Variants in TMC1 observed in about 807,000 individuals in gnomAD.
TMC1 encodes the protein transmembrane channel like 1, also known as transmembrane channel-like protein 1.
Under a neutral mutation model 105.8 loss-of-function variants are expected in TMC1, and 84 were observed. That is an observed-to-expected ratio of 0.79 (90% CI 0.67 to 0.95). TMC1 has a LOEUF of 0.95. TMC1 is among the 40% of genes least tolerant of loss of function. TMC1 has a pLI of 0.00. For synonymous variants in TMC1, 315 were observed against 311.5 expected (o/e 1.01, Z -0.12); for missense variants, 817 against 914.1 (o/e 0.89, Z 1.37).
At chr9:72,737,771 TA>T (rs537198647) in intron 8 of TMC1, among the ~76,000 whole-genome samples, 1 of 152,256 alleles carries the variant, frequency 6.6e-6, no homozygotes, top group Non-Finnish European at 1.5e-5. Context: ...TGCATGGATC[TA>T]AAAACCCAGC....
intron 13 of TMC1, among the ~76,000 whole-genome samples, chr9:72,783,755 T>A (rs971543756): frequency 2.6e-5 from 4 of 152,122 alleles, no homozygotes; most frequent in Non-Finnish European, 4.4e-5. Context: ...AAGAACCTGA[T>A]TTTTGACAAA....
chr9:72,577,134 G>A (rs934264202), intron 1 of TMC1, among the ~76,000 whole-genome samples: 6 of 151,974 alleles, frequency 3.9e-5, no homozygotes, highest in South Asian at 4.2e-4. Flanking sequence ...AGTCAAATCC[G>A]CTGATTACTC....
intron 2 of TMC1, among the ~76,000 whole-genome samples, chr9:72,597,309 C>T (rs1028499292): frequency 2.0e-5 from 3 of 152,138 alleles, no homozygotes; most frequent in Admixed American, 6.5e-5. Context: ...AGCAGGTCAG[C>T]GGGGCACAGG....
chr9:72,549,685 A>T (rs1367461963), intron 1 of TMC1, among the ~76,000 whole-genome samples: 1 of 148,192 alleles, frequency 6.7e-6, no homozygotes, highest in Non-Finnish European at 1.5e-5. Flanking sequence ...ATCTTGGCTC[A>T]CTGCAACCTC....
In TMC1 at chr9:72,609,581, A is replaced by T. The variant is rs188006339; in HGVS notation, c.-305-6787A>T. ...AACAAAAACAAACTGGCAATGCAGG[A>T]CTTCCTTGAAAGACAGAGGAAAGGA... On this transcript the variant is annotated intron_variant, in intron 2 of 23. Coordinates refer to ENST00000297784, the MANE Select transcript of TMC1 (RefSeq NM_138691.3). Among the ~76,000 whole-genome samples, 3 of 152,218 alleles carry T rather than the reference A, an allele frequency of 2.0e-5. No homozygotes were observed. The East Asian group carries it at 5.8e-4, about 29-fold the overall frequency.
intron 3 of TMC1, among the ~76,000 whole-genome samples, chr9:72,621,914 G>C (rs971400897): frequency 2.0e-5 from 3 of 152,160 alleles, no homozygotes; most frequent in African/African-American, 7.2e-5. Flanking sequence ...TATCTGCAAA[G>C]AATTATTTGA....
At chr9:72,652,461 G>C (rs928188268) in intron 5 of TMC1, among the ~76,000 whole-genome samples, 1 of 152,048 alleles carries the variant, frequency 6.6e-6, no homozygotes, top group Non-Finnish European at 1.5e-5. Context: ...TTTAGAGGTG[G>C]GTGGAGGAGG....
intron 5 of TMC1, among the ~76,000 whole-genome samples, chr9:72,650,903 AATATATATAG>A (rs1160763878): frequency 7.9e-6 from 1 of 126,746 alleles, no homozygotes; most frequent in Non-Finnish European, 1.7e-5. Context: ...TATATATATA[AATATATATAG>A]ATATATATAT....
chr9:72,713,752 TG>T (rs1257997264), intron 8 of TMC1, among the ~76,000 whole-genome samples: 5 of 151,980 alleles, frequency 3.3e-5, no homozygotes, highest in Non-Finnish European at 7.4e-5. Flanking sequence ...AAGGGCTTTT[TG>T]TATCTCTGTC....
In TMC1 at chr9:72,545,675, A is replaced by C. The variant is rs535269855; in HGVS notation, c.-428+23762A>C. On this transcript the variant is annotated intron_variant, in intron 1 of 23. Coordinates refer to ENST00000297784, the MANE Select transcript of TMC1 (RefSeq NM_138691.3). The stretch of plus-strand genomic sequence containing the variant: ...GCTAAGTTTTGAATTTTTAGTAGAG[A>C]TAGGGTTTCACCATGTTCGCCAGGC... Among the ~76,000 whole-genome samples, 12 of 152,014 alleles carry C rather than the reference A, an allele frequency of 7.9e-5. No homozygotes were observed. The South Asian group carries it at 2.5e-3, about 32-fold the overall frequency.
At chr9:72,652,779 T>C (rs1028392019) in intron 5 of TMC1, among the ~76,000 whole-genome samples, 11 of 152,214 alleles carry the variant, frequency 7.2e-5, no homozygotes, top group Non-Finnish European at 1.6e-4. Context: ...ATAGATTCTA[T>C]GACTTTTTGT....
intron 4 of TMC1, among the ~76,000 whole-genome samples, chr9:72,632,715 A>G (rs549292244): frequency 1.6e-4 from 25 of 152,106 alleles, no homozygotes; most frequent in African/African-American, 6.0e-4. Flanking sequence ...AAAGAATTGA[A>G]AACAAAAAAA....
intron 5 of TMC1, among the ~76,000 whole-genome samples, chr9:72,669,282 C>T (rs1194691949): frequency 6.6e-6 from 1 of 152,002 alleles, no homozygotes; most frequent in Admixed American, 6.6e-5. Context: ...GCACTCCAGC[C>T]TGGGCGAAAG....
At chr9:72,739,111 A>G (rs1217496663) in intron 8 of TMC1, among the ~76,000 whole-genome samples, 2 of 152,222 alleles carry the variant, frequency 1.3e-5, no homozygotes, top group African/African-American at 4.8e-5. Flanking sequence ...TCACAGTGCT[A>G]GAGGCTGAAA....
At chr9:72,589,871 A>T (rs989259207) in intron 2 of TMC1, among the ~76,000 whole-genome samples, 6 of 152,326 alleles carry the variant, frequency 3.9e-5, no homozygotes, top group Non-Finnish European at 7.4e-5. Flanking sequence ...TCAGGGCATT[A>T]CAACTTACTA....
At chr9:72,760,610 T>A (rs185562257) in intron 12 of TMC1, among the ~76,000 whole-genome samples, 16 of 152,154 alleles carry the variant, frequency 1.1e-4, no homozygotes, top group Non-Finnish European at 2.4e-4. Flanking sequence ...TCAAAGGAGA[T>A]CTGAGCAGCA....
intron 2 of TMC1, among the ~76,000 whole-genome samples, chr9:72,594,602 A>T (rs1824689388): frequency 1.3e-5 from 2 of 152,206 alleles, no homozygotes; most frequent in South Asian, 4.1e-4. Flanking sequence ...TTTCGCTATG[A>T]TAATGGGAAA....
chr9:72,686,964 G>A (rs909017906), intron 5 of TMC1, among the ~76,000 whole-genome samples: 12 of 152,040 alleles, frequency 7.9e-5, no homozygotes, highest in African/African-American at 2.9e-4. Context: ...CATGACTCTA[G>A]CCCTGCTTTT....
At chr9:72,771,198 T>C (rs1827919424) in intron 12 of TMC1, among the ~76,000 whole-genome samples, 2 of 152,240 alleles carry the variant, frequency 1.3e-5, no homozygotes, top group Admixed American at 6.5e-5. Context: ...CACAAGTTCC[T>C]CTGAGATTAT....
Sources: allele counts gnomAD v4.1 joint callset (sites outside exome capture counted in the v4.1 genomes callset), GRCh38; gene constraint gnomAD v4.1.1; transcripts MANE v1.5; gene names NCBI Gene and HGNC (gene_info 2026-07-23, HGNC 2026-07-21).